The following FAM149A variants were observed in gnomAD, a reference collection of about 807,000 sequenced individuals.
The protein encoded by FAM149A is protein FAM149A.
FAM149A carries 71 observed loss-of-function variants against 78.2 expected under a neutral mutation model. The ratio of observed to expected loss-of-function variants is 0.91; its 90% confidence interval spans 0.75 to 1.11. The LOEUF is 1.11. Ranked by LOEUF, FAM149A falls within the 50% of genes least tolerant of loss-of-function variation. The probability of loss-of-function intolerance (pLI) is 0.00; values close to 1 mark genes in which losing one functional copy is unlikely to be tolerated. For synonymous variants in FAM149A, 446 were observed against 410.5 expected, an observed-to-expected ratio of 1.09 and a Z score of -1.04; for missense variants, 1,036 against 971.0, an observed-to-expected ratio of 1.07 and a Z score of -0.89.
In FAM149A at chr4:186,156,124, G is replaced by T. The variant is rs201494456; in HGVS notation, c.1354G>T (p.Val452Phe). 2.5e-6 allele frequency: 4 copies of T among 1,613,810 alleles called. No individual in the cohort carries two copies. The highest frequency in any genetic ancestry group is 3.4e-6 in the Non-Finnish European group (4 of 1,179,916). ...CGTGGCAGCAGAAGTGTTTGATCAC[G>T]TCTGGACAAATATGGTAGAACTTTT... is the stretch of plus-strand genomic sequence containing the variant. The change falls in exon 7 of 14, where the codon GTC (valine) becomes TTC (phenylalanine). Residue 452 changes from valine to phenylalanine, a missense_variant. Physicochemically the swap from Val to Phe is conservative, Grantham distance 50. Transcript: ENST00000389354.
At position 186,156,056 on chromosome 4, in the gene FAM149A, T is replaced by G; in HGVS notation, c.1286T>G (p.Leu429Arg). ...CAGCCCGGTAGGAAATGGCGCAAAC[T>G]CGGACTTCCTCCTGTTTCCCCGCGT... is the stretch of plus-strand genomic sequence containing the variant. The change falls in exon 7 of 14, where the codon CTC becomes CGC. Residue 429 changes from leucine to arginine, a missense_variant. Physicochemically the swap from Leu to Arg is moderately radical, Grantham distance 102. Transcript: ENST00000389354. 6.2e-7 allele frequency: 1 copy of G among 1,613,916 alleles called. No individual in the cohort carries two copies. Among genetic ancestry groups the G allele is most frequent in the Non-Finnish European group, 8.5e-7 (1 of 1,179,864 alleles).
At chr4:186,170,490 C>A (rs9312345) in intron 13 of FAM149A, among the ~76,000 whole-genome samples, 38,656 of 152,208 alleles carry the variant, frequency 0.25, 10,852 homozygotes, top group African/African-American at 0.7. Flanking sequence ...AAGACTGTGC[C>A]TTCAAGTTCA....
rs1554071245 is a variant in FAM149A, at chr4:186,159,926, C to CACACACCACACACAGACACACCAA, written c.1575+2228_1575+2229insCAAACACACCACACACAGACACAC. Among the ~76,000 whole-genome samples the CACACACCACACACAGACACACCAA allele has an allele frequency of 5.1e-3, 707 of 137,794 alleles. 3 individuals carry two copies. The highest frequency in any genetic ancestry group is 0.019 in the African/African-American group (690 of 37,022). The allele number at this position is 137,794 out of a possible 152,430, so 90.4% of individuals were successfully genotyped here. A position where few individuals can be genotyped will look rare whatever the true frequency, so the allele number is the denominator to read the frequency against. ...AGCCATGTCAAACAACACACACACACACACACCACACACAGACACACACCA... is the reference window on the plus strand; with the variant it reads ...AGCCATGTCAAACAACACACACACACACACACCACACACAGACACACCAAACACACCACACACAGACACACACCA... On this transcript the variant is annotated intron_variant, in intron 8 of 13. Transcript: ENST00000389354.
chr4:186,164,996 C>T lies in FAM149A; in HGVS notation c.1890-348C>T, dbSNP rs73027974. 0.12 allele frequency among the ~76,000 whole-genome samples: 17,915 copies of T among 152,042 alleles called. 1,471 individuals are homozygous for T. The highest frequency in any genetic ancestry group is 0.23 in the African/African-American group (9,399 of 41,414). ...AGCTGTGGCTTCAGAGGGGCCAGTG[C>T]CCACCCCCTTTGGTGATGCTACCTC... On this transcript the variant is annotated intron_variant, in intron 10 of 13. Coordinates refer to ENST00000389354, the MANE Select transcript of FAM149A (RefSeq NM_001367768.3). This position sits in a 1 kb window ranked among gnomAD's most constrained non-coding sequence, Gnocchi z 4.0.
intron 13 of FAM149A, among the ~76,000 whole-genome samples, chr4:186,168,919 G>A (rs868604524): frequency 6.6e-6 from 1 of 152,204 alleles, no homozygotes; most frequent in South Asian, 2.1e-4. Context: ...GCTTCCTAGA[G>A]GAGATGACCA....
Position 186,142,845 on chromosome 4 carries a change from A to G in FAM149A, c.567-6328A>G, listed in dbSNP as rs140127787. Among the ~76,000 whole-genome samples the G allele has an allele frequency of 3.9e-3, 601 of 152,280 alleles. 6 individuals carry two copies. The highest frequency in any genetic ancestry group is 0.013 in the African/African-American group (539 of 41,546). On this transcript the variant is annotated intron_variant, in intron 1 of 13. Transcript: ENST00000389354. ...CAGAAGAAACACTCAACCTGCCGCA[A>G]TTCCTGAGTTCTGTGGATTATGAGC...
chr4:186,158,992 C>A, intron 8 of FAM149A: 1 of 185,436 alleles, frequency 5.4e-6, no homozygotes, highest in Non-Finnish European at 1.0e-5. Flanking sequence ...TGGCACTGCT[C>A]TGAGATGTGA....
intron 1 of FAM149A, among the ~76,000 whole-genome samples, chr4:186,139,988 C>A (rs904514947): frequency 3.3e-5 from 5 of 152,036 alleles, no homozygotes; most frequent in Non-Finnish European, 5.9e-5. Flanking sequence ...ACAAAAAAAA[C>A]CACTCTCAAT....
chr4:186,116,421 A>G, intron 1 of FAM149A: 9 of 982,056 alleles, frequency 9.2e-6, no homozygotes, highest in Non-Finnish European at 1.1e-5. Flanking sequence ...CTCCTCCCTC[A>G]TGACCGTTAC....
intron 4 of FAM149A, among the ~76,000 whole-genome samples, chr4:186,152,539 C>CT (rs10718602): frequency 0.022 from 1,958 of 88,180 alleles, 60 homozygotes; most frequent in Non-Finnish European, 0.025. Flanking sequence ...TTTCTTTTTG[C>CT]TTTTTTTTTT....
Position 186,174,493 on chromosome 4 carries a change from CAA to C in FAM149A, c.*2507_*2508del. Among the ~76,000 whole-genome samples the C allele has an allele frequency of 1.8e-5, 2 of 111,130 alleles. 1 individual carries two copies. The highest frequency in any genetic ancestry group is 4.5e-5 in the Non-Finnish European group (2 of 44,198). 72.9% of individuals were successfully genotyped at this position (111,130 alleles called of 152,430 possible). On this transcript the variant is annotated 3_prime_UTR_variant, in exon 14 of 14. Transcript: ENST00000389354. ...TAAACTAACATTAAGGTAGGGTATC[CAA>C]GATAAAATGTTTTTTCTTTGAAAAC... is the stretch of plus-strand genomic sequence containing the variant.
intron 1 of FAM149A, among the ~76,000 whole-genome samples, chr4:186,136,980 C>T (rs867645244): frequency 1.6e-4 from 19 of 116,072 alleles, no homozygotes; most frequent in South Asian, 6.4e-4. Context: ...CTCTCTTTCT[C>T]TCTCTCTCTC....
chr4:186,111,291 G>A (rs1364474393), intron 1 of FAM149A, among the ~76,000 whole-genome samples: 2 of 152,132 alleles, frequency 1.3e-5, no homozygotes, highest in East Asian at 3.8e-4. Context: ...GATTCCGGAT[G>A]TTAGTCCTTT....
intron 1 of FAM149A, among the ~76,000 whole-genome samples, chr4:186,145,818 T>G (rs1021859720): frequency 6.6e-6 from 1 of 152,174 alleles, no homozygotes; most frequent in African/African-American, 2.4e-5. Context: ...ATTCAAGTTT[T>G]AAAATACCTG....
At chr4:186,121,376 A>G (rs2099316019) in intron 1 of FAM149A, among the ~76,000 whole-genome samples, 1 of 152,170 alleles carries the variant, frequency 6.6e-6, no homozygotes, top group Admixed American at 6.5e-5. Flanking sequence ...TCTAGTGAGT[A>G]TATTTGTTTA....
In FAM149A at chr4:186,154,363, G is replaced by A. The variant is rs534221577; in HGVS notation, c.1059-105G>A. ...AATATTCAACCGTTTTGGGAGGGGG[G>A]GATTCTGTACTTTACAGATAATTGA... is the stretch of plus-strand genomic sequence containing the variant. On this transcript the variant is annotated intron_variant, in intron 5 of 13. Coordinates refer to ENST00000389354, the MANE Select transcript of FAM149A (RefSeq NM_001367768.3). 23 of 917,526 alleles carry A rather than the reference G, an allele frequency of 2.5e-5. No homozygotes were observed. In the South Asian group the frequency reaches 5.2e-4, roughly 21 times the overall value. 56.8% of individuals were successfully genotyped at this position (917,526 alleles called of 1,614,324 possible).
rs1579744688 is a variant in FAM149A at position 186,105,397 on chromosome 4, G to T, written c.321G>T (p.Pro107=). ...GTAGCCCTAGAGCGGGTAAAGCCCC[G>T]CCCCAGCCCCCCACTCCCTCCGGCG... is the stretch of plus-strand genomic sequence containing the variant. The change falls in exon 1 of 14, where the codon CCG becomes CCT. Residue 107 remains proline, a synonymous_variant. Transcript: ENST00000389354. The T allele has an allele frequency of 8.5e-7, 1 of 1,180,666 alleles. No homozygotes were observed. Among genetic ancestry groups the T allele is most frequent in the Non-Finnish European group, 1.1e-6 (1 of 943,502 alleles). The allele number at this position is 1,180,666 out of a possible 1,614,324, so 73.1% of individuals were successfully genotyped here. A position where few individuals can be genotyped will look rare whatever the true frequency, so the allele number is the denominator to read the frequency against.
intron 1 of FAM149A, chr4:186,125,362 G>T: frequency 1.0e-6 from 1 of 983,144 alleles, no homozygotes; most frequent in South Asian, 4.7e-5. Context: ...CACATCCCCT[G>T]CGGAGGTCTC....
Position 186,144,825 on chromosome 4 carries a change from C to T in FAM149A, c.567-4348C>T, listed in dbSNP as rs1214146595. 3.4e-5 allele frequency: 33 copies of T among 982,438 alleles called. No individual in the cohort carries two copies. In the African/African-American group the frequency reaches 5.7e-4, roughly 17 times the overall value. The allele number at this position is 982,438 out of a possible 1,614,324, so 60.9% of individuals were successfully genotyped here. The stretch of plus-strand genomic sequence containing the variant: ...GCGCAGGGAGGAGGAGGGGAGGCGG[C>T]GCCGGCGCGGGCGGGGCGGAGGATC... On this transcript the variant is annotated intron_variant, in intron 1 of 13. Transcript: ENST00000389354. This position sits in a 1 kb window ranked among gnomAD's most constrained non-coding sequence, Gnocchi z 4.2.
Sources: gnomAD v4.1 joint callset for allele counts (sites outside exome capture counted in the v4.1 genomes callset) on GRCh38, gnomAD v4.1.1 for gene constraint, Gnocchi (gnomAD v3.1) non-coding constraint, MANE v1.5 for transcripts, NCBI Gene and HGNC (gene_info 2026-07-23, HGNC 2026-07-21) for gene names.